Variants in SND1 observed in about 807,000 individuals in gnomAD.
SND1 encodes the protein staphylococcal nuclease domain-containing protein 1.
Under a neutral mutation model 121.7 loss-of-function variants are expected in SND1, and 38 were observed. The ratio of observed to expected loss-of-function variants is 0.31; its 90% CI spans 0.24 to 0.41. The LOEUF is 0.41. Among genes scored for constraint, SND1 ranks in the 10% least tolerant of loss-of-function variants. The probability of loss-of-function intolerance (pLI) is 1.00; values close to 1 mark genes in which losing one functional copy is unlikely to be tolerated. For synonymous variants in SND1, 401 were observed against 447.4 expected (o/e 0.90, Z 1.31); for missense variants, 868 against 1,184.6 (o/e 0.73, Z 3.92).
chr7:128,049,208 A>T (rs892890383), intron 16 of SND1, among the ~76,000 whole-genome samples: 5 of 152,274 alleles, frequency 3.3e-5, no homozygotes, highest in African/African-American at 1.2e-4. Flanking sequence ...CCTGAATTTT[A>T]TAACACCGTG....
At position 127,693,163 on chromosome 7, in the gene SND1, C is replaced by T. The variant is rs536014837; in HGVS notation, c.229-1665C>T. ...TCCCTAAGGTAATAAAAATTTGGGA[C>T]GCTTTGTTCATTGGTTCGGTGCTGT... On this transcript the variant is annotated intron_variant, in intron 2 of 23. Coordinates refer to ENST00000354725, the MANE Select transcript of SND1 (RefSeq NM_014390.4). Among the ~76,000 whole-genome samples, 80 of 152,152 alleles carry T rather than the reference C, an allele frequency of 5.3e-4. 3 individuals carry two copies. In the South Asian group the frequency reaches 0.012, roughly 24 times the overall value.
rs867275759 is a variant in SND1 at position 128,019,107 on chromosome 7, G to A, written c.1779+28051G>A. 5.9e-5 allele frequency among the ~76,000 whole-genome samples: 9 copies of A among 152,222 alleles called. No individual in the cohort carries two copies. In the South Asian group the frequency reaches 8.3e-4, roughly 14 times the overall value. On this transcript the variant is annotated intron_variant, in intron 16 of 23. Transcript: ENST00000354725. ...CCTGCCCCCCTCCCCACCTCAGCCA[G>A]CTAGTTCCTCCTTGAACTGAGTTCA...
chr7:127,989,265 G>A (rs994066495), intron 15 of SND1, among the ~76,000 whole-genome samples: 2 of 152,180 alleles, frequency 1.3e-5, no homozygotes, highest in Non-Finnish European at 2.9e-5. Context: ...TGGCAGAATG[G>A]TCCTTGCTGT....
intron 10 of SND1, among the ~76,000 whole-genome samples, chr7:127,791,817 A>G (rs1241434085): frequency 3.3e-5 from 5 of 152,204 alleles, no homozygotes; most frequent in Admixed American, 6.5e-5. Flanking sequence ...GTGATTTGCC[A>G]TCTCCGTTAA....
chr7:128,021,040 G>C (rs1803338785), intron 16 of SND1, among the ~76,000 whole-genome samples: 1 of 152,066 alleles, frequency 6.6e-6, no homozygotes, highest in South Asian at 2.1e-4. Flanking sequence ...CTCTTCCTTA[G>C]GTTATTTTTT....
chr7:128,005,694 T>C (rs527643320), intron 16 of SND1, among the ~76,000 whole-genome samples: 1 of 152,324 alleles, frequency 6.6e-6, no homozygotes, highest in Admixed American at 6.5e-5. Context: ...ACCACTGTGT[T>C]TGACTCCTGT....
intron 12 of SND1, among the ~76,000 whole-genome samples, chr7:127,868,189 C>G (rs1799514551): frequency 6.6e-6 from 1 of 152,138 alleles, no homozygotes; most frequent in South Asian, 2.1e-4. Flanking sequence ...CCCAAGAGTT[C>G]AGGTCCAGCT....
At chr7:127,841,351 C>T (rs891124449) in intron 11 of SND1, among the ~76,000 whole-genome samples, 12 of 151,958 alleles carry the variant, frequency 7.9e-5, no homozygotes, top group Non-Finnish European at 1.3e-4. Flanking sequence ...GGTGAAAACA[C>T]GAAAGATACA....
intron 5 of SND1, 39 bp from the exon 6 acceptor site, chr7:127,702,396 T>C: frequency 1.3e-6 from 2 of 1,571,144 alleles, no homozygotes; most frequent in Non-Finnish European, 1.8e-6. Context: ...CTTGTTAGGA[T>C]GTTTGCTAAG....
chr7:127,786,804 C>T (rs889184418), intron 10 of SND1, among the ~76,000 whole-genome samples: 14 of 152,170 alleles, frequency 9.2e-5, no homozygotes, highest in South Asian at 4.2e-4. Context: ...CCACCATGCC[C>T]GGCTAATTTT....
chr7:128,050,425 G>A (rs1470297168), intron 16 of SND1, among the ~76,000 whole-genome samples: 1 of 152,220 alleles, frequency 6.6e-6, no homozygotes, highest in Non-Finnish European at 1.5e-5. Flanking sequence ...GTCTGATACT[G>A]AGAAAAGAAA....
In SND1 at chr7:127,857,348, G is replaced by A. The variant is rs1183487777; in HGVS notation, c.1343+12924G>A. ...GCTGGGACTACAGGCGCCCGCCACC[G>A]CCCCCGGCTAATTTTTTTTTTTTTT... is the stretch of plus-strand genomic sequence containing the variant. On this transcript the variant is annotated intron_variant, in intron 12 of 23. Coordinates refer to ENST00000354725, the MANE Select transcript of SND1 (RefSeq NM_014390.4). Among the ~76,000 whole-genome samples the A allele has an allele frequency of 1.6e-4, 20 of 128,390 alleles. No homozygotes were observed. The East Asian group carries it at 4.0e-3, about 26-fold the overall frequency. 84.2% of individuals were successfully genotyped at this position (128,390 alleles called of 152,430 possible). A position where few individuals can be genotyped will look rare whatever the true frequency, so the allele number is the denominator to read the frequency against.
At chr7:127,696,018 C>G (rs1171231227) in intron 3 of SND1, among the ~76,000 whole-genome samples, 2 of 152,136 alleles carry the variant, frequency 1.3e-5, no homozygotes, top group Non-Finnish European at 2.9e-5. Context: ...GTAGGATGTT[C>G]TCCAGAAAGC....
chr7:127,704,696 G>T, intron 7 of SND1, 143 bp from the exon 8 acceptor site: 1 of 679,528 alleles, frequency 1.5e-6, no homozygotes, highest in Non-Finnish European at 2.6e-6. Context: ...CGTAGTGAGA[G>T]AAGCTACTCT....
intron 10 of SND1, among the ~76,000 whole-genome samples, chr7:127,773,928 A>G (rs747183377): frequency 5.3e-5 from 8 of 152,148 alleles, no homozygotes; most frequent in Non-Finnish European, 7.4e-5. Flanking sequence ...TCATAGCACA[A>G]TGAATTACTC....
In SND1 at chr7:128,029,933, G is replaced by A. The variant is rs767196463; in HGVS notation, c.1779+38877G>A. The stretch of plus-strand genomic sequence containing the variant: ...TGAGGGAGCTCAGGCCATGGAAGGA[G>A]CCAGGCCTGATCTCAGGGAAGTGGT... On this transcript the variant is annotated intron_variant, in intron 16 of 23. Transcript: ENST00000354725. This position sits in a 1 kb window ranked among gnomAD's most constrained non-coding sequence, Gnocchi z 4.2. 8 of 1,613,222 alleles carry A rather than the reference G, an allele frequency of 5.0e-6. No individual in the cohort carries two copies. Among genetic ancestry groups the A allele is most frequent in the Non-Finnish European group, 6.8e-6 (8 of 1,180,034 alleles).
At chr7:127,738,618 A>G (rs1348306898) in intron 10 of SND1, among the ~76,000 whole-genome samples, 1 of 152,038 alleles carries the variant, frequency 6.6e-6, no homozygotes, top group African/African-American at 2.4e-5. Flanking sequence ...TTTATCTGGG[A>G]GAAGTCCATT....
At chr7:127,889,753 A>G (rs1272639281) in intron 13 of SND1, among the ~76,000 whole-genome samples, 1 of 152,038 alleles carries the variant, frequency 6.6e-6, no homozygotes, top group Non-Finnish European at 1.5e-5. Context: ...TAGATCTCAC[A>G]TATAAGTCAG....
chr7:127,690,815 G>A lies in SND1; in HGVS notation c.229-4013G>A, dbSNP rs1349180351. Reference sequence around the variant, plus strand: ...GCATGTTTAGCTTTTTCACATTCAGGAATAATCAAGGACCTTATTGCTCAT... The same window carrying A: ...GCATGTTTAGCTTTTTCACATTCAGAAATAATCAAGGACCTTATTGCTCAT... On this transcript the variant is annotated intron_variant, in intron 2 of 23. Transcript: ENST00000354725. Among the ~76,000 whole-genome samples the A allele has an allele frequency of 2.0e-5, 3 of 152,160 alleles. 1 individual carries two copies. The highest frequency in any genetic ancestry group is 4.4e-5 in the Non-Finnish European group (3 of 68,024).
Sources: allele counts gnomAD v4.1 joint callset (sites outside exome capture counted in the v4.1 genomes callset), GRCh38; gene constraint gnomAD v4.1.1; non-coding constraint Gnocchi (gnomAD v3.1); transcripts MANE v1.5; gene names NCBI Gene and HGNC (gene_info 2026-07-23, HGNC 2026-07-21).